ARHGAP6: variants seen among roughly 807,000 people sequenced by gnomAD.
The protein encoded by ARHGAP6 is rho GTPase-activating protein 6.
In ARHGAP6, 16 loss-of-function variants were observed where a neutral mutation model predicts 55.7. That is an observed-to-expected ratio of 0.29 (90% CI 0.19 to 0.44). The LOEUF is 0.44. ARHGAP6 is among the 20% of genes least tolerant of loss of function. ARHGAP6 has a pLI of 1.00. For synonymous variants in ARHGAP6, 382 were observed against 360.9 expected (o/e 1.06, Z -0.66); for missense variants, 698 against 808.9 (o/e 0.86, Z 1.66).
intron 2 of ARHGAP6, among the ~76,000 whole-genome samples, chrX:11,214,923 G>A (rs1602882503): frequency 8.8e-6 from 1 of 113,497 alleles, no homozygotes; most frequent in East Asian, 2.8e-4. Context: ...CTTTGGGGAT[G>A]ACCGTGTGAA....
chrX:11,543,823 G>T (rs2051185393), intron 1 of ARHGAP6, among the ~76,000 whole-genome samples: 1 of 112,407 alleles, frequency 8.9e-6, no homozygotes, highest in South Asian at 3.7e-4. Context: ...GTATGTGTGT[G>T]TAGAAAGAGG....
At chrX:11,220,513 T>C (rs762984286) in intron 2 of ARHGAP6, among the ~76,000 whole-genome samples, 27 of 111,100 alleles carry the variant, frequency 2.4e-4, no homozygotes, top group African/African-American at 7.8e-4. Flanking sequence ...CAACCCAGAA[T>C]TGCATATCCA....
chrX:11,408,107 A>C (rs1457396853), intron 1 of ARHGAP6, among the ~76,000 whole-genome samples: 5 of 111,086 alleles, frequency 4.5e-5, no homozygotes, highest in African/African-American at 1.6e-4. Flanking sequence ...AAATCAAAAC[A>C]ACAAAAATAG....
chrX:11,522,528 A>G (rs2050941722), intron 1 of ARHGAP6, among the ~76,000 whole-genome samples: 2 of 111,137 alleles, frequency 1.8e-5, no homozygotes, highest in Non-Finnish European at 3.8e-5. Flanking sequence ...AATCAAATAG[A>G]CGCAATAAAA....
chrX:11,459,895 T>C (rs780061857), intron 1 of ARHGAP6, among the ~76,000 whole-genome samples: 50 of 111,346 alleles, frequency 4.5e-4, no homozygotes, highest in African/African-American at 1.6e-3. Flanking sequence ...GTGCATTTAA[T>C]AGTGAGTAGC....
At chrX:11,655,563 T>C (rs1055171373) in intron 1 of ARHGAP6, among the ~76,000 whole-genome samples, 1 of 112,482 alleles carries the variant, frequency 8.9e-6, no homozygotes, top group Non-Finnish European at 1.9e-5. Context: ...TCTTTTTTTA[T>C]TATGGCCATC....
At chrX:11,425,429 C>T (rs1466943120) in intron 1 of ARHGAP6, among the ~76,000 whole-genome samples, 1 of 112,136 alleles carries the variant, frequency 8.9e-6, no homozygotes, top group Non-Finnish European at 1.9e-5. Context: ...AACAATGGGT[C>T]GCACTTAATA....
intron 10 of ARHGAP6, among the ~76,000 whole-genome samples, chrX:11,151,549 G>A (rs773635864): frequency 2.7e-5 from 3 of 111,543 alleles, no homozygotes; most frequent in South Asian, 7.5e-4. Context: ...CTGGCATCCC[G>A]TTTTGGTTGA....
intron 1 of ARHGAP6, among the ~76,000 whole-genome samples, chrX:11,426,359 A>T (rs1220292229): frequency 3.9e-5 from 4 of 103,074 alleles, no homozygotes; most frequent in African/African-American, 1.4e-4. Context: ...CAAAAAAACA[A>T]TTTTTTTTTT....
chrX:11,298,461 T>C (rs2048121318), intron 1 of ARHGAP6: 2 of 1,172,180 alleles, frequency 1.7e-6, no homozygotes, highest in Non-Finnish European at 2.3e-6. Flanking sequence ...AATATTCCTA[T>C]AGCCATAATG....
In ARHGAP6 at chrX:11,225,769, T is replaced by G. The variant is rs2047037217; in HGVS notation, c.749-28773A>C. On this transcript the variant is annotated intron_variant, in intron 2 of 12. Transcript: ENST00000337414. ...GCAATTCACAAAGGTCTGTTCTATT[T>G]GGTAACACAATACGTTCTTATAAAA... 6.4e-6 allele frequency: 3 copies of G among 470,297 alleles called. No individual in the cohort carries two copies. In the East Asian group the frequency reaches 1.4e-4, roughly 21 times the overall value. The allele number at this position is 470,297 out of a possible 1,213,427, so 38.8% of individuals were successfully genotyped here.
intron 1 of ARHGAP6, among the ~76,000 whole-genome samples, chrX:11,549,788 G>A (rs539355070): frequency 8.9e-6 from 1 of 112,661 alleles, no homozygotes; most frequent in East Asian, 2.8e-4. Context: ...GAGAGAATTT[G>A]AGAGCACTGT....
chrX:11,212,701 T>A (rs897291413), intron 2 of ARHGAP6, among the ~76,000 whole-genome samples: 1 of 112,432 alleles, frequency 8.9e-6, no homozygotes, highest in Admixed American at 9.4e-5. Context: ...GGTTAGGTCA[T>A]GCTAATAAAG....
chrX:11,388,417 T>G (rs1333968441), intron 1 of ARHGAP6, among the ~76,000 whole-genome samples: 4 of 112,273 alleles, frequency 3.6e-5, no homozygotes, highest in African/African-American at 1.3e-4. Flanking sequence ...TTTTTTCTTG[T>G]AAATTTGTTT....
intron 1 of ARHGAP6, among the ~76,000 whole-genome samples, chrX:11,326,131 CTTT>C (rs11333980): frequency 4.7e-5 from 4 of 84,640 alleles, no homozygotes; most frequent in Non-Finnish European, 7.0e-5. Flanking sequence ...TTCTTTCTTT[CTTT>C]TTTTTTTTTT....
chrX:11,282,904 C>G (rs2047875593), intron 1 of ARHGAP6, among the ~76,000 whole-genome samples: 1 of 112,450 alleles, frequency 8.9e-6, no homozygotes. Context: ...TGTAAAGAGA[C>G]TCAATACCAC....
rs141402121 is a variant in ARHGAP6, at chrX:11,153,962, C to A, written c.1907+2567G>T. 1.2e-3 allele frequency among the ~76,000 whole-genome samples: 129 copies of A among 110,180 alleles called. No homozygotes were observed. In the East Asian group the frequency reaches 0.03, roughly 26 times the overall value. The stretch of plus-strand genomic sequence containing the variant: ...ATATCTCCTAATGCTATTCCTCCCC[C>A]CTCCCCCCATCCCACAACAGACCCC... On this transcript the variant is annotated intron_variant, in intron 10 of 12. Transcript: ENST00000337414.
At chrX:11,242,814 T>G (rs771644436) in intron 2 of ARHGAP6, among the ~76,000 whole-genome samples, 2 of 111,889 alleles carry the variant, frequency 1.8e-5, no homozygotes, top group Non-Finnish European at 3.8e-5. Flanking sequence ...TTGGGAGTCT[T>G]ATCATTACTT....
chrX:11,437,885 T>C (rs2050002112), intron 1 of ARHGAP6, among the ~76,000 whole-genome samples: 1 of 112,043 alleles, frequency 8.9e-6, no homozygotes, highest in Non-Finnish European at 1.9e-5. Context: ...ACAGAACTGG[T>C]AAAAGATCTG....
Sources: allele counts gnomAD v4.1 joint callset (sites outside exome capture counted in the v4.1 genomes callset), GRCh38; gene constraint gnomAD v4.1.1; transcripts MANE v1.5; gene names NCBI Gene and HGNC (gene_info 2026-07-23, HGNC 2026-07-21).